COLEC10: variants seen among roughly 807,000 people sequenced by gnomAD.
COLEC10 encodes the protein collectin-10.
COLEC10 carries 22 observed loss-of-function variants against 28.4 expected under a neutral mutation model. The observed-to-expected ratio is 0.78, with a 90% CI of 0.55 to 1.11. The LOEUF is 1.11. COLEC10 is among the 50% of genes least tolerant of loss of function. COLEC10 has a pLI of 0.00. For synonymous variants in COLEC10, 125 were observed against 116.1 expected (o/e 1.08, Z -0.49); for missense variants, 361 against 344.1 (o/e 1.05, Z -0.39).
At chr8:118,954,688 A>T in the COLEC10 span, among the ~76,000 whole-genome samples, 1 of 151,852 alleles carries the variant, frequency 6.6e-6, no homozygotes, top group Non-Finnish European at 1.5e-5. Flanking sequence ...TCTTTCCTAA[A>T]CTCTTCTGAA....
the COLEC10 span, among the ~76,000 whole-genome samples, chr8:118,985,119 C>A: frequency 6.6e-6 from 1 of 151,934 alleles, no homozygotes; most frequent in Non-Finnish European, 1.5e-5. Flanking sequence ...TTCCCTGTAC[C>A]CTCAGAGAGA....
chr8:119,001,037 C>T (rs4424296), intron 1 of COLEC10, among the ~76,000 whole-genome samples: 92,089 of 151,990 alleles, frequency 0.61, 29,163 homozygotes, highest in African/African-American at 0.8. Flanking sequence ...TCAGTAAAAC[C>T]CTGCTCCTTC....
intron 1 of COLEC10, among the ~76,000 whole-genome samples, chr8:119,083,795 T>C (rs2130262273): frequency 6.6e-6 from 1 of 152,230 alleles, no homozygotes; most frequent in East Asian, 1.9e-4. Flanking sequence ...ATTTATTAAA[T>C]TCAGTATATT....
intron 1 of COLEC10, among the ~76,000 whole-genome samples, chr8:119,073,949 C>G (rs1815173498): frequency 1.5e-5 from 1 of 68,010 alleles, no homozygotes; most frequent in Non-Finnish European, 2.6e-5. Flanking sequence ...TACATATATA[C>G]ACATATATAC....
upstream of COLEC10, among the ~76,000 whole-genome samples, chr8:119,065,576 G>C (rs1033837502): frequency 4.2e-4 from 64 of 152,054 alleles, 1 homozygote; most frequent in Non-Finnish European, 2.5e-4. Context: ...TGTGCTTGAG[G>C]CCAGGCATGG....
intron 2 of COLEC10, among the ~76,000 whole-genome samples, chr8:119,014,276 A>T (rs1416284927): frequency 6.7e-6 from 1 of 149,344 alleles, no homozygotes; most frequent in East Asian, 1.9e-4. Context: ...AATTCCTTCA[A>T]TTTTTTTGTT....
chr8:119,062,718 A>T (rs1283086156), upstream of COLEC10, among the ~76,000 whole-genome samples: 1 of 152,046 alleles, frequency 6.6e-6, no homozygotes, highest in African/African-American at 2.4e-5. Flanking sequence ...AACCTCAAGC[A>T]ATCCACCCAC....
intron 3 of COLEC10, among the ~76,000 whole-genome samples, chr8:119,094,163 A>C (rs1282245660): frequency 6.6e-6 from 1 of 152,128 alleles, no homozygotes; most frequent in East Asian, 1.9e-4. Flanking sequence ...TCATCATATC[A>C]ATGAGTCCCG....
the COLEC10 span, among the ~76,000 whole-genome samples, chr8:118,967,511 T>A: frequency 7.9e-5 from 12 of 152,074 alleles, 1 homozygote; most frequent in Non-Finnish European, 7.4e-5. Context: ...ACTTGTATAA[T>A]AAGTACAATA....
chr8:119,082,669 G>T (rs763988622), intron 1 of COLEC10, among the ~76,000 whole-genome samples: 8 of 152,202 alleles, frequency 5.3e-5, no homozygotes, highest in Non-Finnish European at 7.3e-5. Flanking sequence ...CTGAACTGAC[G>T]AGGTACAAGA....
chr8:119,056,582 G>T (rs1814765252), intron 2 of COLEC10, among the ~76,000 whole-genome samples: 1 of 151,932 alleles, frequency 6.6e-6, no homozygotes, highest in Non-Finnish European at 1.5e-5. Flanking sequence ...CAGTAACACG[G>T]TGCTACTATG....
chr8:119,000,291 G>A (rs1452213880), intron 1 of COLEC10, among the ~76,000 whole-genome samples: 2 of 152,158 alleles, frequency 1.3e-5, no homozygotes, highest in African/African-American at 4.8e-5. Flanking sequence ...GAAAAAGGTG[G>A]TACAGAGGAG....
upstream of COLEC10, among the ~76,000 whole-genome samples, chr8:119,065,361 A>G (rs975153557): frequency 1.3e-5 from 2 of 152,140 alleles, no homozygotes; most frequent in African/African-American, 4.8e-5. Context: ...TGAATTGTGC[A>G]TGTGGGGATT....
At chr8:119,070,568 C>T (rs1305080062) in intron 1 of COLEC10, among the ~76,000 whole-genome samples, 1 of 50,594 alleles carries the variant, frequency 2.0e-5, no homozygotes, top group Non-Finnish European at 3.7e-5. Context: ...CTCTCTCTCT[C>T]CCCCCACCCC....
chr8:119,103,735 A>G (rs1815884548), intron 4 of COLEC10, 65 bp from the exon 5 acceptor site: 1 of 933,600 alleles, frequency 1.1e-6, no homozygotes. Flanking sequence ...GAAAGAGAGC[A>G]AATGTTCCTT....
At position 119,106,104 on chromosome 8, in the gene COLEC10, G is replaced by A. The variant is rs986813847; in HGVS notation, c.747G>A (p.Val249=). ...PSDPYGHEDC[V]EMLSSGRWND... ...ACCCCTATGGTCATGAGGACTGTGTGGAGATGCTGAGCTCTGGCAGATGGA... is the reference window on the plus strand; with the variant it reads ...ACCCCTATGGTCATGAGGACTGTGTAGAGATGCTGAGCTCTGGCAGATGGA... Residue 249 remains valine, a synonymous_variant, in exon 6 of 6, where the codon GTG becomes GTA. Transcript: ENST00000332843. 1.2e-6 allele frequency: 2 copies of A among 1,613,858 alleles called. No homozygotes were observed. The highest frequency in any genetic ancestry group is 1.7e-5 in the Admixed American group (1 of 59,962).
chr8:119,066,351 G>A (rs1814962421), upstream of COLEC10, among the ~76,000 whole-genome samples: 1 of 152,122 alleles, frequency 6.6e-6, no homozygotes, highest in Non-Finnish European at 1.5e-5. Context: ...TAGAGATCCT[G>A]ATCTCTGTAT....
At chr8:118,955,288 A>G in the COLEC10 span, among the ~76,000 whole-genome samples, 1 of 152,200 alleles carries the variant, frequency 6.6e-6, no homozygotes, top group East Asian at 1.9e-4. Context: ...TTTAAAATGT[A>G]TATGTGGGTA....
At chr8:119,092,909 GA>G (rs552557735) in intron 3 of COLEC10, among the ~76,000 whole-genome samples, 5 of 148,696 alleles carry the variant, frequency 3.4e-5, no homozygotes, top group African/African-American at 9.9e-5. Flanking sequence ...CCATCTCAAA[GA>G]AAAAAAAAAG....
Sources: gnomAD v4.1 joint callset for allele counts (sites outside exome capture counted in the v4.1 genomes callset) on GRCh38, gnomAD v4.1.1 for gene constraint, MANE v1.5 for transcripts, NCBI Gene and HGNC (gene_info 2026-07-23, HGNC 2026-07-21) for gene names.